The following RELN variants were observed in gnomAD, a reference collection of about 807,000 sequenced individuals.
The protein encoded by RELN is reelin.
Under a neutral mutation model 427.6 loss-of-function variants are expected in RELN, and 108 were observed. The observed-to-expected ratio is 0.25, with a 90% CI of 0.22 to 0.30. The LOEUF is 0.30. Among genes scored for constraint, RELN ranks in the 10% least tolerant of loss-of-function variants. The probability of loss-of-function intolerance (pLI) is 1.00; values close to 1 mark genes in which losing one functional copy is unlikely to be tolerated. For synonymous variants in RELN, 1,524 were observed against 1,513.4 expected (o/e 1.01, Z -0.16); for missense variants, 3,715 against 4,302.8 (o/e 0.86, Z 3.82).
chr7:103,540,270 GA>G lies in RELN; in HGVS notation c.6856del (p.Ser2286LeufsTer87). 6.2e-7 allele frequency: 1 copy of G among 1,614,206 alleles called. No homozygotes were observed. Among genetic ancestry groups the G allele is most frequent in the Non-Finnish European group, 8.5e-7 (1 of 1,180,038 alleles). On this transcript the variant is annotated frameshift_variant, in exon 44 of 65. Coordinates refer to ENST00000428762, the MANE Select transcript of RELN (RefSeq NM_005045.4). LOFTEE classifies it high-confidence loss of function. ...IALEIPLKAR[S>X]GSTRLRWWQP... ...CCACCAGCGAAGGCGAGTAGAACCA[GA>G]ACGGGCTTTCAAGGGTATCTCCAGG... is the stretch of plus-strand genomic sequence containing the variant.
chr7:103,956,416 C>T (rs1242911993), intron 1 of RELN, among the ~76,000 whole-genome samples: 1 of 152,134 alleles, frequency 6.6e-6, no homozygotes, highest in Admixed American at 6.6e-5. Context: ...CCAGGATAAA[C>T]CCAAACAAAA....
chr7:103,933,721 C>T lies in RELN; in HGVS notation c.227-16536G>A, dbSNP rs76082048. On this transcript the variant is annotated intron_variant, in intron 1 of 64. Coordinates refer to ENST00000428762, the MANE Select transcript of RELN (RefSeq NM_005045.4). ...AGCTTCCCACAGAATGGGGGTCTTC[C>T]TCCCCCAGTGGGGCTTGCAACACTC... Among the ~76,000 whole-genome samples, 893 of 152,214 alleles carry T rather than the reference C, an allele frequency of 5.9e-3. 8 individuals carry two copies. The highest frequency in any genetic ancestry group is 0.019 in the African/African-American group (793 of 41,544).
chr7:103,818,051 A>G (rs1032472386), intron 3 of RELN, among the ~76,000 whole-genome samples: 1 of 152,028 alleles, frequency 6.6e-6, no homozygotes, highest in African/African-American at 2.4e-5. Flanking sequence ...TCACCTATCA[A>G]TCACACTAGT....
chr7:103,609,368 A>G (rs1234185496), intron 22 of RELN, among the ~76,000 whole-genome samples: 1 of 152,188 alleles, frequency 6.6e-6, no homozygotes, highest in East Asian at 1.9e-4. Context: ...CTCTGCTTTG[A>G]GTATGACCAG....
chr7:103,606,324 T>G (rs1354668126), intron 22 of RELN, among the ~76,000 whole-genome samples: 1 of 152,066 alleles, frequency 6.6e-6, no homozygotes, highest in Non-Finnish European at 1.5e-5. Flanking sequence ...GATGAACAGG[T>G]CAGTAAAGGG....
intron 52 of RELN, among the ~76,000 whole-genome samples, chr7:103,502,678 G>A (rs895423608): frequency 1.3e-5 from 2 of 152,188 alleles, no homozygotes; most frequent in Non-Finnish European, 2.9e-5. Context: ...ATAGTGCACA[G>A]AGGTCCACAG....
At chr7:103,527,109 T>TC (rs1401378259) in intron 46 of RELN, among the ~76,000 whole-genome samples, 2 of 152,202 alleles carry the variant, frequency 1.3e-5, no homozygotes, top group South Asian at 2.1e-4. Context: ...CAGGTATCTC[T>TC]CCCTACACTA....
chr7:103,879,094 A>G lies in RELN; in HGVS notation c.337+37981T>C, dbSNP rs144940070. ...GTTAACTACATCCTCTTCAGACATG[A>G]AAAGGAGTATAACTTTATGGTTAAG... On this transcript the variant is annotated intron_variant, in intron 2 of 64. Transcript: ENST00000428762. Among the ~76,000 whole-genome samples the G allele has an allele frequency of 3.0e-3, 463 of 152,322 alleles. 2 individuals are homozygous for G. Among genetic ancestry groups the G allele is most frequent in the African/African-American group, 0.01 (436 of 41,586 alleles).
intron 16 of RELN, among the ~76,000 whole-genome samples, chr7:103,646,434 G>A (rs1832798620): frequency 6.6e-6 from 1 of 151,814 alleles, no homozygotes; most frequent in Non-Finnish European, 1.5e-5. Flanking sequence ...AATGAAAAAG[G>A]AGACATTACA....
chr7:103,643,882 C>G (rs1007505024), intron 16 of RELN, among the ~76,000 whole-genome samples: 2 of 151,986 alleles, frequency 1.3e-5, no homozygotes, highest in Admixed American at 6.6e-5. Flanking sequence ...GCTGGGAATA[C>G]AGGCATGTGC....
At position 103,563,403 on chromosome 7, in the gene RELN, A is replaced by T. The variant is rs958582915; in HGVS notation, c.5211-1450T>A. On this transcript the variant is annotated intron_variant, in intron 34 of 64. Coordinates refer to ENST00000428762, the MANE Select transcript of RELN (RefSeq NM_005045.4). The surrounding 1 kb of genome is among the most constrained non-coding windows in gnomAD (Gnocchi z 4.1). ...AAGTTTTTAAGAAAGAAGTTTTCAA[A>T]GTTAAAGTTCTCAAAATATTAAAAG... Among the ~76,000 whole-genome samples the T allele has an allele frequency of 6.6e-6, 1 of 152,218 alleles. No individual in the cohort carries two copies. Among genetic ancestry groups the T allele is most frequent in the Admixed American group, 6.5e-5 (1 of 15,288 alleles).
chr7:103,965,565 A>G (rs4291202), intron 1 of RELN, among the ~76,000 whole-genome samples: 106,899 of 152,088 alleles, frequency 0.7, 38,187 homozygotes, highest in African/African-American at 0.83. Context: ...ACGTATTTTG[A>G]TTCTTCATCT....
rs990269213 is a variant in RELN, at chr7:103,553,679, A to G, written c.5950T>C (p.Tyr1984His). Residue 1984 changes from tyrosine to histidine, a missense_variant, in exon 39 of 65, where the codon TAT (tyrosine) becomes CAT (histidine). Tyr to His is a moderately conservative substitution (Grantham distance 83). Coordinates refer to ENST00000428762, the MANE Select transcript of RELN (RefSeq NM_005045.4). ...ACTTACGGTGCCCCCTTTGAAGAAT[A>G]TGGACAATAAAGACCGATGTTACCA... Reference protein sequence around the residue: ...PGGNIGLYCPYSSKGAPEEDS... With the variant: ...PGGNIGLYCPHSSKGAPEEDS... 1 of 1,614,140 alleles carries G rather than the reference A, an allele frequency of 6.2e-7. No homozygotes were observed. The highest frequency in any genetic ancestry group is 8.5e-7 in the Non-Finnish European group (1 of 1,180,012).
chr7:103,895,925 T>C (rs887788064), intron 2 of RELN, among the ~76,000 whole-genome samples: 6 of 152,036 alleles, frequency 3.9e-5, no homozygotes, highest in African/African-American at 1.4e-4. Flanking sequence ...TGGAAAAATA[T>C]ATTCACAAAA....
At chr7:103,728,298 T>C in intron 6 of RELN, 91 bp from the exon 7 acceptor site, 1 of 1,227,178 alleles carries the variant, frequency 8.1e-7, no homozygotes, top group African/African-American at 1.5e-5. Flanking sequence ...TATTTATTGT[T>C]ACTCAGCTCA....
intron 40 of RELN, among the ~76,000 whole-genome samples, chr7:103,552,398 T>C (rs530018278): frequency 2.0e-5 from 3 of 152,276 alleles, no homozygotes; most frequent in East Asian, 3.9e-4. Context: ...ATACATATTA[T>C]GTGTGTGTAG....
At chr7:103,733,516 A>G (rs1790410328) in intron 6 of RELN, among the ~76,000 whole-genome samples, 1 of 146,366 alleles carries the variant, frequency 6.8e-6, no homozygotes, top group Non-Finnish European at 1.5e-5. Flanking sequence ...CATTATTCAC[A>G]ATAGCAAAGA....
intron 8 of RELN, among the ~76,000 whole-genome samples, chr7:103,713,472 A>G (rs1259662899): frequency 9.2e-5 from 14 of 152,150 alleles, no homozygotes; most frequent in Non-Finnish European, 2.1e-4. Flanking sequence ...GATAGAGATG[A>G]ATGGACAAAT....
At chr7:103,659,391 A>G (rs1050481576) in intron 12 of RELN, among the ~76,000 whole-genome samples, 11 of 152,148 alleles carry the variant, frequency 7.2e-5, no homozygotes, top group Admixed American at 3.3e-4. Context: ...CTTAGTAGGA[A>G]TTAAAGAAAA....
Sources: allele counts gnomAD v4.1 joint callset (sites outside exome capture counted in the v4.1 genomes callset), GRCh38; gene constraint gnomAD v4.1.1; non-coding constraint Gnocchi (gnomAD v3.1); transcripts MANE v1.5; gene names NCBI Gene and HGNC (gene_info 2026-07-23, HGNC 2026-07-21).